Variants in PLCB4 observed in about 807,000 individuals in gnomAD.
PLCB4 encodes phospholipase C beta 4.
PLCB4 carries 77 observed loss-of-function variants against 178.8 expected under a neutral mutation model. The ratio of observed to expected loss-of-function variants is 0.43; its 90% confidence interval spans 0.36 to 0.52. The LOEUF (loss-of-function observed/expected upper bound fraction) is 0.52. Among genes scored for constraint, PLCB4 ranks in the 20% least tolerant of loss-of-function variants. PLCB4 has a pLI of 0.00. For missense variants in PLCB4, 1,024 were observed against 1,453.4 expected, an observed-to-expected ratio of 0.70 and a Z score of 4.80; for synonymous variants, 496 against 490.8, an observed-to-expected ratio of 1.01 and a Z score of -0.14.
intron 2 of PLCB4, among the ~76,000 whole-genome samples, chr20:9,207,761 C>A (rs1470210762): frequency 6.6e-6 from 1 of 152,130 alleles, no homozygotes; most frequent in Non-Finnish European, 1.5e-5. Flanking sequence ...GCTGTGTTTT[C>A]ATTGTTTCAT....
intron 2 of PLCB4, among the ~76,000 whole-genome samples, chr20:9,158,637 C>G (rs1267294799): frequency 1.3e-5 from 2 of 151,482 alleles, no homozygotes; most frequent in South Asian, 4.2e-4. Context: ...ACACCTCTAT[C>G]TTAAATGGAA....
At chr20:9,184,605 A>G (rs2093301186) in intron 2 of PLCB4, among the ~76,000 whole-genome samples, 1 of 130,492 alleles carries the variant, frequency 7.7e-6, no homozygotes, top group Non-Finnish European at 1.5e-5. Flanking sequence ...GCCTCAAAAA[A>G]AAAAAAAAAA....
intron 2 of PLCB4, among the ~76,000 whole-genome samples, chr20:9,137,339 A>G (rs1357536827): frequency 6.6e-6 from 1 of 152,124 alleles, no homozygotes; most frequent in East Asian, 1.9e-4. Flanking sequence ...GATGTTATGA[A>G]GGTATAAGAT....
chr20:9,197,596 A>C (rs2093488170), intron 2 of PLCB4, among the ~76,000 whole-genome samples: 1 of 152,226 alleles, frequency 6.6e-6, no homozygotes, highest in Admixed American at 6.5e-5. Context: ...ATTTTTATTG[A>C]ATATTGCTGC....
intron 2 of PLCB4, among the ~76,000 whole-genome samples, chr20:9,148,413 TG>T (rs1190032618): frequency 6.6e-6 from 1 of 152,174 alleles, no homozygotes; most frequent in Non-Finnish European, 1.5e-5. Flanking sequence ...CCTTGTTAGA[TG>T]TCTCACAAAG....
chr20:9,125,455 C>T (rs2092087699), intron 2 of PLCB4, among the ~76,000 whole-genome samples: 1 of 151,782 alleles, frequency 6.6e-6, no homozygotes, highest in Admixed American at 6.6e-5. Context: ...TCATTTTCTT[C>T]ACCTAAAGTA....
rs550083201 is a variant in PLCB4, at chr20:9,095,163, C to T, written c.-134-1124C>T. 1.1e-4 allele frequency among the ~76,000 whole-genome samples: 16 copies of T among 152,270 alleles called. No individual in the cohort carries two copies. The South Asian group carries it at 1.5e-3, about 14-fold the overall frequency. On this transcript the variant is annotated intron_variant, in intron 1 of 39. Coordinates refer to ENST00000378473, the MANE Select transcript of PLCB4 (RefSeq NM_001377142.1). Reference sequence around the variant, plus strand: ...GACATGGACATGGTTGCAGGGTTCACGATCCTTTCAGTAGGATGTTGTGAG... The same window carrying T: ...GACATGGACATGGTTGCAGGGTTCATGATCCTTTCAGTAGGATGTTGTGAG...
At chr20:9,373,128 C>T (rs1382839700) in intron 12 of PLCB4, 24 bp downstream of exon 12, 1 of 1,238,214 alleles carries the variant, frequency 8.1e-7, no homozygotes, top group East Asian at 2.3e-5. Context: ...TACATTAACT[C>T]CATAAAGTCT....
At chr20:9,138,252 C>T (rs904082982) in intron 2 of PLCB4, among the ~76,000 whole-genome samples, 1 of 151,968 alleles carries the variant, frequency 6.6e-6, no homozygotes, top group Non-Finnish European at 1.5e-5. Context: ...AATGCCTGGA[C>T]TTCGGCCATA....
At chr20:9,336,268 C>T (rs1421332941) in intron 4 of PLCB4, among the ~76,000 whole-genome samples, 1 of 152,048 alleles carries the variant, frequency 6.6e-6, no homozygotes, top group Non-Finnish European at 1.5e-5. Context: ...TCCCAAATGC[C>T]CTTTTTCTTT....
intron 7 of PLCB4, among the ~76,000 whole-genome samples, chr20:9,349,991 T>C (rs148661010): frequency 2.4e-4 from 37 of 152,286 alleles, no homozygotes; most frequent in African/African-American, 8.4e-4. Flanking sequence ...CATGAGACTT[T>C]GTTGCCTCCA....
chr20:9,347,851 G>A (rs1462123455), intron 7 of PLCB4, among the ~76,000 whole-genome samples: 1 of 152,172 alleles, frequency 6.6e-6, no homozygotes, highest in East Asian at 1.9e-4. Context: ...GCCCATGCCT[G>A]TAGTTCCAGC....
At chr20:9,132,674 A>G (rs1225589207) in intron 2 of PLCB4, among the ~76,000 whole-genome samples, 1 of 152,150 alleles carries the variant, frequency 6.6e-6, no homozygotes, top group Non-Finnish European at 1.5e-5. Flanking sequence ...GGATTCTTCT[A>G]TTGGATTTAT....
At chr20:9,220,359 G>A (rs1001626458) in intron 3 of PLCB4, among the ~76,000 whole-genome samples, 24 of 152,054 alleles carry the variant, frequency 1.6e-4, no homozygotes, top group African/African-American at 5.8e-4. Flanking sequence ...ATTATAGACC[G>A]GGCACGGTGG....
At chr20:9,405,658 C>T (rs563370672) in intron 21 of PLCB4, among the ~76,000 whole-genome samples, 11 of 152,234 alleles carry the variant, frequency 7.2e-5, no homozygotes, top group African/African-American at 2.4e-4. Context: ...ATCTTAGTTC[C>T]CACTACATTG....
chr20:9,292,890 C>T (rs559235020), intron 3 of PLCB4, among the ~76,000 whole-genome samples: 2 of 152,180 alleles, frequency 1.3e-5, no homozygotes, highest in African/African-American at 4.8e-5. Context: ...ACTAGCCTGG[C>T]CAACATGGCG....
chr20:9,238,358 G>A, intron 3 of PLCB4, among the ~76,000 whole-genome samples: 1 of 152,170 alleles, frequency 6.6e-6, no homozygotes, highest in East Asian at 1.9e-4. Context: ...TGGTCAGTGG[G>A]TGCAGGCTGC....
At chr20:9,248,278 C>T (rs148265790) in intron 3 of PLCB4, among the ~76,000 whole-genome samples, 56 of 152,188 alleles carry the variant, frequency 3.7e-4, no homozygotes, top group African/African-American at 1.1e-3. Context: ...TTCACTTGAA[C>T]GCCAGCATTT....
intron 2 of PLCB4, among the ~76,000 whole-genome samples, chr20:9,213,767 T>A (rs1181640621): frequency 6.6e-6 from 1 of 152,268 alleles, no homozygotes; most frequent in Non-Finnish European, 1.5e-5. Context: ...AGCATCATTT[T>A]ACATTTCCAC....
Sources: allele counts gnomAD v4.1 joint callset (sites outside exome capture counted in the v4.1 genomes callset), GRCh38; gene constraint gnomAD v4.1.1; transcripts MANE v1.5; gene names NCBI Gene and HGNC (gene_info 2026-07-23, HGNC 2026-07-21).